The following GNG12 variants were observed in gnomAD, a reference collection of about 807,000 sequenced individuals.
GNG12 encodes the protein guanine nucleotide-binding protein G(I)/G(S)/G(O) subunit gamma-12.
For synonymous variants in GNG12, 28 were observed against 29.7 expected, an observed-to-expected ratio of 0.94 and a Z score of 0.19; for missense variants, 69 against 83.8, an observed-to-expected ratio of 0.82 and a Z score of 0.69.
intron 2 of GNG12, among the ~76,000 whole-genome samples, chr1:67,743,071 A>G (rs1389114250): frequency 6.6e-6 from 1 of 152,190 alleles, no homozygotes; most frequent in Non-Finnish European, 1.5e-5. Context: ...ACTAATCAGG[A>G]AGAATAAAGG....
rs570104711 is a variant in GNG12, at chr1:67,815,843, T to C, written c.-77+17501A>G. ...ACTCCTCAGCGGCCAAATCCCGAGT[T>C]CTCCTTCTGTCAATCATCTGCACTG... On this transcript the variant is annotated intron_variant, in intron 1 of 3. Coordinates refer to ENST00000370982, the MANE Select transcript of GNG12 (RefSeq NM_018841.6). Among the ~76,000 whole-genome samples, 38 of 152,120 alleles carry C rather than the reference T, an allele frequency of 2.5e-4. No homozygotes were observed. The South Asian group carries it at 7.1e-3, about 28-fold the overall frequency.
chr1:67,787,967 A>C (rs1309987059), intron 1 of GNG12, among the ~76,000 whole-genome samples: 3 of 152,114 alleles, frequency 2.0e-5, no homozygotes, highest in African/African-American at 7.2e-5. Flanking sequence ...TGGTCAGCCT[A>C]CTCAGAGTTT....
intron 2 of GNG12, among the ~76,000 whole-genome samples, chr1:67,717,258 G>A (rs1646330877): frequency 6.6e-6 from 1 of 152,180 alleles, no homozygotes; most frequent in South Asian, 2.1e-4. Flanking sequence ...GCTCATGCCT[G>A]TAATCCCAGC....
intron 2 of GNG12, among the ~76,000 whole-genome samples, chr1:67,721,597 A>C (rs1293517372): frequency 1.3e-5 from 2 of 152,248 alleles, no homozygotes; most frequent in African/African-American, 4.8e-5. Context: ...AGTCTATTTA[A>C]GCCAAGATTG....
intron 1 of GNG12, among the ~76,000 whole-genome samples, chr1:67,803,712 AAT>A (rs1383640825): frequency 6.6e-6 from 1 of 152,220 alleles, no homozygotes; most frequent in Non-Finnish European, 1.5e-5. Flanking sequence ...TAGCATATCC[AAT>A]GTCCCATAAC....
chr1:67,710,758 C>G (rs1302514196), intron 2 of GNG12, among the ~76,000 whole-genome samples: 1 of 152,176 alleles, frequency 6.6e-6, no homozygotes, highest in Non-Finnish European at 1.5e-5. Context: ...TGCGTTCAGA[C>G]CTGCTTCTTC....
In GNG12 at chr1:67,744,729, A is replaced by G. The variant is rs146787276; in HGVS notation, c.-27+32729T>C. Among the ~76,000 whole-genome samples the G allele has an allele frequency of 6.7e-3, 1,020 of 152,308 alleles. 16 individuals carry two copies. The highest frequency in any genetic ancestry group is 0.024 in the African/African-American group (977 of 41,540). On this transcript the variant is annotated intron_variant, in intron 2 of 3. Coordinates refer to ENST00000370982, the MANE Select transcript of GNG12 (RefSeq NM_018841.6). The stretch of plus-strand genomic sequence containing the variant: ...ACTAGAACCCTACAAAGTATGTAAC[A>G]TGTCCCATGTTACAGATGGGAAGAG...
At chr1:67,707,777 A>G (rs1249737407) in intron 2 of GNG12, 65 bp from the exon 3 acceptor site, 2 of 794,660 alleles carry the variant, frequency 2.5e-6, no homozygotes, top group Non-Finnish European at 4.1e-6. Flanking sequence ...ATTCATAATA[A>G]TATGTTCTAC....
At chr1:67,780,173 C>T (rs1393258550) in intron 1 of GNG12, among the ~76,000 whole-genome samples, 2 of 152,182 alleles carry the variant, frequency 1.3e-5, no homozygotes, top group Non-Finnish European at 2.9e-5. Flanking sequence ...AAGTGCTTTA[C>T]ATGCTCCTTT....
chr1:67,772,629 A>T (rs141295202), intron 2 of GNG12: 1 of 152,328 alleles, frequency 6.6e-6, no homozygotes, highest in East Asian at 1.9e-4. Flanking sequence ...CCTGCTAGAC[A>T]AATTCTAAAA....
At chr1:67,710,588 C>T (rs940612893) in intron 2 of GNG12, among the ~76,000 whole-genome samples, 11 of 152,046 alleles carry the variant, frequency 7.2e-5, no homozygotes, top group African/African-American at 1.9e-4. Context: ...ATAAAATGCT[C>T]GGGTAGGTCC....
At chr1:67,774,073 T>C (rs952012472) in intron 2 of GNG12, among the ~76,000 whole-genome samples, 3 of 152,176 alleles carry the variant, frequency 2.0e-5, no homozygotes, top group African/African-American at 7.2e-5. Flanking sequence ...CTGTGTGGCA[T>C]TATCTTTATG....
chr1:67,714,183 G>A (rs2100679309), intron 2 of GNG12, among the ~76,000 whole-genome samples: 1 of 151,928 alleles, frequency 6.6e-6, no homozygotes, highest in Non-Finnish European at 1.5e-5. Context: ...AAGACTTCTG[G>A]AAAAATCAGA....
At chr1:67,772,780 T>C (rs1408290342) in intron 2 of GNG12, 1 of 152,246 alleles carries the variant, frequency 6.6e-6, no homozygotes, top group Non-Finnish European at 1.5e-5. Flanking sequence ...TTTCTGGCCA[T>C]GCTGATTCAG....
Position 67,833,409 on chromosome 1 carries a change from G to A in GNG12, c.-142C>T. On this transcript the variant is annotated 5_prime_UTR_variant, in exon 1 of 4. Coordinates refer to ENST00000370982, the MANE Select transcript of GNG12 (RefSeq NM_018841.6). ...CGGTCTCTAAGGGCTCCTGGAGACGGCTCCGACCTCTCCTCCTCCTCCTCC... is the reference window on the plus strand; with the variant it reads ...CGGTCTCTAAGGGCTCCTGGAGACGACTCCGACCTCTCCTCCTCCTCCTCC... The A allele has an allele frequency of 1.0e-6, 1 of 985,448 alleles. No homozygotes were observed. Among genetic ancestry groups the A allele is most frequent in the African/African-American group, 1.7e-5 (1 of 57,270 alleles). The allele number at this position is 985,448 out of a possible 1,614,324, so 61.0% of individuals were successfully genotyped here.
At chr1:67,709,039 T>C (rs1646266035) in intron 2 of GNG12, among the ~76,000 whole-genome samples, 2 of 151,926 alleles carry the variant, frequency 1.3e-5, no homozygotes, top group Admixed American at 1.3e-4. Context: ...AAGGCCGAGT[T>C]CTACGACTTG....
At chr1:67,715,357 G>C (rs1460104952) in intron 2 of GNG12, among the ~76,000 whole-genome samples, 1 of 152,222 alleles carries the variant, frequency 6.6e-6, no homozygotes, top group Non-Finnish European at 1.5e-5. Flanking sequence ...GTGGCAGTTT[G>C]TTATGGCGTT....
chr1:67,796,466 G>A (rs144655359), intron 1 of GNG12, among the ~76,000 whole-genome samples: 6 of 152,122 alleles, frequency 3.9e-5, no homozygotes, highest in Non-Finnish European at 7.4e-5. Context: ...CAACGAGTAC[G>A]ACTATTTTAC....
intron 1 of GNG12, among the ~76,000 whole-genome samples, chr1:67,806,857 T>A (rs533662307): frequency 6.6e-6 from 1 of 152,268 alleles, no homozygotes; most frequent in East Asian, 1.9e-4. Flanking sequence ...TGCCCTTCTA[T>A]CAGAAATGGA....
Sources: allele counts gnomAD v4.1 joint callset (sites outside exome capture counted in the v4.1 genomes callset), GRCh38; gene constraint gnomAD v4.1.1; transcripts MANE v1.5; gene names NCBI Gene and HGNC (gene_info 2026-07-23, HGNC 2026-07-21).